The following CASQ2 variants were observed in gnomAD, a reference collection of about 807,000 sequenced individuals.
CASQ2 encodes the protein calsequestrin 2, also known as calsequestrin-2.
CASQ2 carries 49 observed loss-of-function variants against 46.5 expected under a neutral mutation model. That is an observed-to-expected ratio of 1.05 (90% CI 0.84 to 1.34). The LOEUF is 1.34. Among genes scored for constraint, CASQ2 ranks in the 40% most tolerant of loss-of-function variants. The pLI is 0.00. For synonymous variants in CASQ2, 174 were observed against 168.5 expected, an observed-to-expected ratio of 1.03 and a Z score of -0.25; for missense variants, 486 against 481.3, an observed-to-expected ratio of 1.01 and a Z score of -0.09.
chr1:115,738,400 A>T lies in CASQ2; in HGVS notation c.421-65T>A, dbSNP rs1472481039. 5 of 1,045,068 alleles carry T rather than the reference A, an allele frequency of 4.8e-6. No homozygotes were observed. The African/African-American group carries it at 7.8e-5, about 16-fold the overall frequency. 64.7% of individuals were successfully genotyped at this position (1,045,068 alleles called of 1,614,324 possible). On this transcript the variant is annotated intron_variant, in intron 3 of 10. Transcript: ENST00000261448. ...AGATTTCCTTCTTCACTGGGGAAAC[A>T]GAGTGCATTGGAGGGAAGTTGTAGC... is the stretch of plus-strand genomic sequence containing the variant.
intron 4 of CASQ2, among the ~76,000 whole-genome samples, chr1:115,733,924 G>A (rs1489007520): frequency 2.0e-5 from 3 of 152,124 alleles, no homozygotes; most frequent in Admixed American, 6.6e-5. Context: ...TTAATCCAGA[G>A]GATACCAAAA....
At chr1:115,725,271 T>C (rs1037377661) in intron 7 of CASQ2, among the ~76,000 whole-genome samples, 9 of 152,116 alleles carry the variant, frequency 5.9e-5, no homozygotes, top group Non-Finnish European at 1.0e-4. Flanking sequence ...TTTTGCTATG[T>C]TGCCCAGGCT....
chr1:115,706,851 GT>G (rs370313458), intron 8 of CASQ2, among the ~76,000 whole-genome samples: 29 of 152,154 alleles, frequency 1.9e-4, no homozygotes, highest in African/African-American at 6.0e-4. Flanking sequence ...CTTGGTAAAA[GT>G]TTTTTTCTAC....
intron 7 of CASQ2, among the ~76,000 whole-genome samples, chr1:115,720,157 G>A (rs994214594): frequency 2.6e-5 from 4 of 152,212 alleles, no homozygotes; most frequent in Non-Finnish European, 4.4e-5. Context: ...TGGTTTATTC[G>A]GGCTGCTATA....
At chr1:115,759,226 T>G (rs1411220916) in intron 1 of CASQ2, among the ~76,000 whole-genome samples, 1 of 152,238 alleles carries the variant, frequency 6.6e-6, no homozygotes, top group African/African-American at 2.4e-5. Flanking sequence ...TGTTGAAATT[T>G]TATTCCCAAT....
At chr1:115,754,961 G>T (rs1220904457) in intron 1 of CASQ2, among the ~76,000 whole-genome samples, 1 of 152,214 alleles carries the variant, frequency 6.6e-6, no homozygotes, top group Non-Finnish European at 1.5e-5. Flanking sequence ...GCCCACCCCA[G>T]AGTTTCTGAT....
intron 7 of CASQ2, 145 bp from the exon 8 acceptor site, chr1:115,718,039 A>T: frequency 1.4e-6 from 1 of 712,854 alleles, no homozygotes; most frequent in Non-Finnish European, 2.6e-6. Context: ...AGCACAGAGG[A>T]GTACAGCGGG....
chr1:115,716,450 C>T (rs1451247740), intron 8 of CASQ2, among the ~76,000 whole-genome samples: 1 of 152,152 alleles, frequency 6.6e-6, no homozygotes, highest in Non-Finnish European at 1.5e-5. Context: ...TTAAAGTATA[C>T]ATTTATCCTA....
At chr1:115,738,743 C>G (rs1648052129) in intron 3 of CASQ2, among the ~76,000 whole-genome samples, 1 of 152,076 alleles carries the variant, frequency 6.6e-6, no homozygotes, top group Non-Finnish European at 1.5e-5. Context: ...GAAATTTACT[C>G]TTTTAGTGAT....
chr1:115,766,085 G>C (rs953477168), intron 1 of CASQ2, among the ~76,000 whole-genome samples: 1 of 152,162 alleles, frequency 6.6e-6, no homozygotes, highest in East Asian at 1.9e-4. Context: ...CTCCTCCTCA[G>C]TTTGCACTTT....
intron 9 of CASQ2, 48 bp from the exon 10 acceptor site, chr1:115,703,043 C>A: frequency 6.8e-7 from 1 of 1,462,378 alleles, no homozygotes; most frequent in South Asian, 1.2e-5. Flanking sequence ...AGGGCATTCT[C>A]TGTTAAGGAC....
intron 1 of CASQ2, among the ~76,000 whole-genome samples, chr1:115,746,494 G>A (rs796681365): frequency 2.0e-5 from 3 of 152,124 alleles, no homozygotes; most frequent in Non-Finnish European, 2.9e-5. Flanking sequence ...TCAGGACTTC[G>A]TAGCATAACC....
In CASQ2 at chr1:115,768,176, G is replaced by A. The variant is rs111831854; in HGVS notation, c.234+132C>T. The A allele has an allele frequency of 3.6e-4, 254 of 713,534 alleles. 4 individuals carry two copies. Among genetic ancestry groups the A allele is most frequent in the South Asian group, 3.5e-3 (231 of 66,490 alleles). 44.2% of individuals were successfully genotyped at this position (713,534 alleles called of 1,614,324 possible). ...TGTGTGACAAGGGCATCTGATTCACGTGAGGCCAAAATAAAGCAGAGTTCA... is the reference window on the plus strand; with the variant it reads ...TGTGTGACAAGGGCATCTGATTCACATGAGGCCAAAATAAAGCAGAGTTCA... On this transcript the variant is annotated intron_variant, in intron 1 of 10. Transcript: ENST00000261448.
chr1:115,745,279 GCCAAATGTA>G (rs1648349728), intron 1 of CASQ2, among the ~76,000 whole-genome samples: 1 of 152,198 alleles, frequency 6.6e-6, no homozygotes, highest in Non-Finnish European at 1.5e-5. Context: ...TTCTCTAGCT[GCCAAATGTA>G]CCTGGGGCAG....
intron 8 of CASQ2, among the ~76,000 whole-genome samples, chr1:115,715,142 A>G (rs1654659172): frequency 6.6e-6 from 1 of 152,222 alleles, no homozygotes. Context: ...ACATAACACC[A>G]GGGATCCGAT....
chr1:115,734,796 A>G (rs1647901565), intron 4 of CASQ2, among the ~76,000 whole-genome samples: 1 of 152,188 alleles, frequency 6.6e-6, no homozygotes, highest in Admixed American at 6.5e-5. Flanking sequence ...AGTATCACAG[A>G]CGTTAGTAAC....
At chr1:115,733,837 G>A (rs548833502) in intron 4 of CASQ2, among the ~76,000 whole-genome samples, 5 of 152,332 alleles carry the variant, frequency 3.3e-5, no homozygotes, top group Middle Eastern at 3.4e-3. Flanking sequence ...TTAACCGTGT[G>A]AAGTATAAGC....
chr1:115,732,580 A>G (rs374806612), intron 5 of CASQ2, among the ~76,000 whole-genome samples: 143 of 152,196 alleles, frequency 9.4e-4, no homozygotes, highest in African/African-American at 3.4e-3. Flanking sequence ...GATACCCCCT[A>G]AGGAAAAAGG....
chr1:115,727,181 G>A (rs1647625216), intron 5 of CASQ2, 59 bp from the exon 6 acceptor site: 1 of 1,280,834 alleles, frequency 7.8e-7, no homozygotes, highest in Non-Finnish European at 1.1e-6. Context: ...ATAGCAGTGT[G>A]TTGTCCATCT....
Sources: allele counts gnomAD v4.1 joint callset (sites outside exome capture counted in the v4.1 genomes callset), GRCh38; gene constraint gnomAD v4.1.1; transcripts MANE v1.5; gene names NCBI Gene and HGNC (gene_info 2026-07-23, HGNC 2026-07-21).